The following TMEM44 variants were observed in gnomAD, a reference collection of about 807,000 sequenced individuals.
The protein encoded by TMEM44 is transmembrane protein 44.
TMEM44 carries 43 observed loss-of-function variants against 47.8 expected under a neutral mutation model. The observed-to-expected ratio is 0.90, with a 90% CI of 0.70 to 1.16. The LOEUF (loss-of-function observed/expected upper bound fraction) is 1.16. Ranked by LOEUF, TMEM44 falls within the 50% of genes most tolerant of loss-of-function variation. The pLI, the probability that TMEM44 is intolerant of heterozygous loss-of-function variation, is 0.00. For missense variants in TMEM44, 568 were observed against 555.2 expected (o/e 1.02, Z -0.23); for synonymous variants, 277 against 238.8 (o/e 1.16, Z -1.48).
chr3:194,588,997 T>G (rs768050687), intron 9 of TMEM44: 23 of 247,858 alleles, frequency 9.3e-5, no homozygotes, highest in Non-Finnish European at 1.6e-4. Flanking sequence ...CCAGGCAAAC[T>G]TAATCCTTTT....
Position 194,604,368 on chromosome 3 carries a change from C to G in TMEM44, c.1095G>C (p.Ser365=), listed in dbSNP as rs752968820. 1 of 1,562,302 alleles carries G rather than the reference C, an allele frequency of 6.4e-7. No homozygotes were observed. Among genetic ancestry groups the G allele is most frequent in the Admixed American group, 1.9e-5 (1 of 52,232 alleles). The change falls in exon 9 of 10, where the codon TCG becomes TCC. Residue 365 remains serine, a synonymous_variant. Transcript: ENST00000347147. Reference sequence around the variant, plus strand: ...CCCGGATGACCTGAACGGGAGGGTACGACGGGGGGTCCTGCAGGGACGCAT... The same window carrying G: ...CCCGGATGACCTGAACGGGAGGGTAGGACGGGGGGTCCTGCAGGGACGCAT... ...AGDASLQDPP[S]YPPVQVIRAR...
intron 5 of TMEM44, 37 bp downstream of exon 5, chr3:194,623,187 A>G: frequency 6.4e-7 from 1 of 1,565,758 alleles, no homozygotes; most frequent in Non-Finnish European, 8.7e-7. Flanking sequence ...TGAGACTGTC[A>G]TGTGACCCAC....
intron 8 of TMEM44, among the ~76,000 whole-genome samples, chr3:194,608,371 G>C (rs1235891216): frequency 1.3e-5 from 2 of 152,206 alleles, no homozygotes; most frequent in Non-Finnish European, 2.9e-5. Context: ...CTCACCACTG[G>C]ACCATATATT....
intron 5 of TMEM44, among the ~76,000 whole-genome samples, chr3:194,619,658 T>C (rs1716310844): frequency 6.6e-6 from 1 of 152,234 alleles, no homozygotes; most frequent in African/African-American, 2.4e-5. Flanking sequence ...TAGGAGCAGC[T>C]TCTGGGAGAG....
rs1268681772 is a variant in TMEM44, at chr3:194,606,376, G to A, written c.1018-1931C>T. Among the ~76,000 whole-genome samples, 5 of 152,270 alleles carry A rather than the reference G, an allele frequency of 3.3e-5. No homozygotes were observed. The East Asian group carries it at 9.7e-4, about 29-fold the overall frequency. The stretch of plus-strand genomic sequence containing the variant: ...GGCCCTTCTAATGGGATATGTATCA[G>A]TGGACACGGCCAACAGGGTGCCTGT... On this transcript the variant is annotated intron_variant, in intron 8 of 9. Coordinates refer to ENST00000347147, the MANE Select transcript of TMEM44 (RefSeq NM_001011655.3).
At chr3:194,597,596 G>A (rs1221185242) in intron 9 of TMEM44, among the ~76,000 whole-genome samples, 1 of 150,582 alleles carries the variant, frequency 6.6e-6, no homozygotes, top group Admixed American at 6.6e-5. Flanking sequence ...GGAGGTGGAG[G>A]TTGCCCTGAG....
chr3:194,625,796 G>T, intron 3 of TMEM44, 101 bp downstream of exon 3: 4 of 1,065,618 alleles, frequency 3.8e-6, no homozygotes, highest in Non-Finnish European at 5.8e-6. Flanking sequence ...CTTTGTTTGT[G>T]CCTGGCTGGG....
chr3:194,626,461 C>T (rs1717190143), intron 2 of TMEM44, among the ~76,000 whole-genome samples: 1 of 152,188 alleles, frequency 6.6e-6, no homozygotes, highest in Non-Finnish European at 1.5e-5. Flanking sequence ...TCTAAAGGCA[C>T]CAGCTCCTCT....
chr3:194,610,991 C>G lies in TMEM44; in HGVS notation c.942G>C (p.Leu314=). The change falls in exon 8 of 10, where the codon CTG becomes CTC. Residue 314 remains leucine, a synonymous_variant. Transcript: ENST00000347147. ...ENLDWVPLTT[L]SHCKSLRTMT... ...TTGTCCTCAGTGACTTGCAGTGTGA[C>G]AGTGTGGTGAGAGGCACCCAATCCA... 2 of 1,614,050 alleles carry G rather than the reference C, an allele frequency of 1.2e-6. No individual in the cohort carries two copies. Among genetic ancestry groups the G allele is most frequent in the Non-Finnish European group, 1.7e-6 (2 of 1,180,000 alleles).
intron 8 of TMEM44, among the ~76,000 whole-genome samples, chr3:194,610,628 G>A (rs540192741): frequency 7.7e-4 from 117 of 151,978 alleles, no homozygotes; most frequent in African/African-American, 2.7e-3. Flanking sequence ...TGGTATATAC[G>A]CCTCCATCAA....
At position 194,588,485 on chromosome 3, in the gene TMEM44, T is replaced by C. The variant is rs747841311; in HGVS notation, c.*44A>G. 2 of 1,577,108 alleles carry C rather than the reference T, an allele frequency of 1.3e-6. No individual in the cohort carries two copies. Among genetic ancestry groups the C allele is most frequent in the Non-Finnish European group, 1.7e-6 (2 of 1,147,928 alleles). On this transcript the variant is annotated 3_prime_UTR_variant, in exon 10 of 10. Transcript: ENST00000347147. ...ATTCCCGCTGCGTTACTGAACGAAC[T>C]CCTGACCCTGGGCTCTGAGCTGATG...
intron 6 of TMEM44, 93 bp from the exon 7 acceptor site, chr3:194,615,790 C>G: frequency 2.7e-6 from 4 of 1,494,330 alleles, no homozygotes; most frequent in Non-Finnish European, 3.6e-6. Context: ...CCCCCCTCCC[C>G]ACTCACCTAC....
chr3:194,604,581 GC>G, intron 8 of TMEM44, 136 bp from the exon 9 acceptor site: 1 of 1,169,920 alleles, frequency 8.5e-7, no homozygotes, highest in Non-Finnish European at 1.2e-6. Flanking sequence ...GTGCTCTCCT[GC>G]CCTGGCCATC....
chr3:194,610,536 C>G (rs1391358054), intron 8 of TMEM44, among the ~76,000 whole-genome samples: 1 of 152,104 alleles, frequency 6.6e-6, no homozygotes, highest in Admixed American at 6.6e-5. Context: ...AGCAAGAAAA[C>G]CCTTATTTCC....
At chr3:194,609,076 T>G (rs789856) in intron 8 of TMEM44, among the ~76,000 whole-genome samples, 1 of 152,022 alleles carries the variant, frequency 6.6e-6, no homozygotes, top group African/African-American at 2.4e-5. Context: ...ATTTTGGGCT[T>G]GAACCACTGC....
intron 9 of TMEM44, among the ~76,000 whole-genome samples, chr3:194,596,522 C>T (rs1713424528): frequency 6.6e-6 from 1 of 152,066 alleles, no homozygotes; most frequent in Non-Finnish European, 1.5e-5. Context: ...CTGGGTGCGG[C>T]GGCTCACACC....
intron 6 of TMEM44, 38 bp downstream of exon 6, chr3:194,617,061 G>T (rs1715976661): frequency 1.4e-6 from 2 of 1,451,712 alleles, no homozygotes; most frequent in South Asian, 2.9e-5. Flanking sequence ...GCCTCCTCTG[G>T]CTGCAAGCAG....
Position 194,617,164 on chromosome 3 carries a change from C to T in TMEM44, c.718G>A (p.Glu240Lys). The T allele has an allele frequency of 6.4e-7, 1 of 1,557,976 alleles. No individual in the cohort carries two copies. The highest frequency in any genetic ancestry group is 1.9e-5 in the Admixed American group (1 of 51,626). Residue 240 changes from glutamate (E) to lysine (K), a missense_variant, in exon 6 of 10, where the codon GAG becomes AAG. Transcript: ENST00000347147. ...SAIVAHDQHP[E>K]YLLRATPWFL... Reference sequence around the variant, plus strand: ...CAGGGTGTGGCCCGCAGCAGGTACTCAGGGTGCTGGTCGTGGGCCACAATG... The same window carrying T: ...CAGGGTGTGGCCCGCAGCAGGTACTTAGGGTGCTGGTCGTGGGCCACAATG...
At position 194,633,273 on chromosome 3, in the gene TMEM44, G is replaced by T; in HGVS notation, c.-58C>A. 3.2e-6 allele frequency: 3 copies of T among 942,712 alleles called. No individual in the cohort carries two copies. 58.4% of individuals were successfully genotyped at this position (942,712 alleles called of 1,614,324 possible). ...ACCTGGGCGCAGCCTCCCTCGCCGC[G>T]GGCAAGCCCCGAGCGCCGCCGCCCC... On this transcript the variant is annotated 5_prime_UTR_variant, in exon 1 of 10. Coordinates refer to ENST00000347147, the MANE Select transcript of TMEM44 (RefSeq NM_001011655.3).
Sources: allele counts gnomAD v4.1 joint callset (sites outside exome capture counted in the v4.1 genomes callset), GRCh38; gene constraint gnomAD v4.1.1; transcripts MANE v1.5; gene names NCBI Gene and HGNC (gene_info 2026-07-23, HGNC 2026-07-21).